TRIML1: variants seen among roughly 807,000 people sequenced by gnomAD.
The protein encoded by TRIML1 is tripartite motif family like 1.
Under a neutral mutation model 32.3 loss-of-function variants are expected in TRIML1, and 34 were observed. The observed-to-expected ratio is 1.05, with a 90% CI of 0.80 to 1.40. The LOEUF (loss-of-function observed/expected upper bound fraction) is 1.40, where lower values mean the gene tolerates loss of function less well. Among genes scored for constraint, TRIML1 ranks in the 40% most tolerant of loss-of-function variants. The pLI, the probability that TRIML1 is intolerant of heterozygous loss-of-function variation, is 0.00. For synonymous variants in TRIML1, 244 were observed against 226.6 expected (o/e 1.08, Z -0.69); for missense variants, 595 against 574.9 (o/e 1.03, Z -0.36).
chr4:188,138,394 C>T (rs184460223), upstream of TRIML1, among the ~76,000 whole-genome samples: 13 of 152,052 alleles, frequency 8.5e-5, no homozygotes, highest in African/African-American at 2.4e-4. Context: ...AGTGAGGGGA[C>T]GGAGACAGAA....
At chr4:188,145,417 G>A (rs1200786679) in intron 5 of TRIML1, among the ~76,000 whole-genome samples, 2 of 135,824 alleles carry the variant, frequency 1.5e-5, no homozygotes, top group African/African-American at 5.8e-5. Flanking sequence ...ATTCCAGCCT[G>A]GGCGACAGAG....
intron 5 of TRIML1, among the ~76,000 whole-genome samples, chr4:188,145,222 G>T (rs1201388624): frequency 6.6e-6 from 1 of 151,746 alleles, no homozygotes; most frequent in East Asian, 2.0e-4. Flanking sequence ...CAGATCACTT[G>T]GGGTCAGGAG....
At chr4:188,143,031 C>T in intron 3 of TRIML1, 1 of 151,512 alleles carries the variant, frequency 6.6e-6, no homozygotes, top group Non-Finnish European at 1.5e-5. Flanking sequence ...GTCTACTGCC[C>T]TTCTAGGCTG....
Position 188,146,966 on chromosome 4 carries a change from A to C in TRIML1, c.1001A>C (p.Gln334Pro), listed in dbSNP as rs1256722394. 27 of 1,555,196 alleles carry C rather than the reference A, an allele frequency of 1.7e-5. No homozygotes were observed. The highest frequency in any genetic ancestry group is 2.3e-5 in the Non-Finnish European group (27 of 1,151,656). Residue 334 changes from glutamine (Q) to proline (P), a missense_variant, in exon 6 of 6, where the codon CAG becomes CCG. Transcript: ENST00000332517. ...FDQSATVLGT[Q>P]IFTSGRHYWE... ...CAGTCTGCGACTGTGCTGGGTACTCAGATCTTCACCAGTGGGAGACACTAC... is the reference window on the plus strand; with the variant it reads ...CAGTCTGCGACTGTGCTGGGTACTCCGATCTTCACCAGTGGGAGACACTAC...
chr4:188,138,618 C>G (rs149721072), upstream of TRIML1, among the ~76,000 whole-genome samples: 1 of 151,780 alleles, frequency 6.6e-6, no homozygotes, highest in African/African-American at 2.4e-5. Flanking sequence ...TTCATATGTC[C>G]GAAAAAATGT....
chr4:188,141,366 A>G (rs1579163592), intron 2 of TRIML1, among the ~76,000 whole-genome samples: 1 of 151,786 alleles, frequency 6.6e-6, no homozygotes, highest in Non-Finnish European at 1.5e-5. Flanking sequence ...GGGTTTTACC[A>G]TGTTAGCCAG....
At position 188,144,279 on chromosome 4, in the gene TRIML1, C is replaced by T; in HGVS notation, c.856+146C>T. On this transcript the variant is annotated intron_variant, in intron 5 of 5. Coordinates refer to ENST00000332517, the MANE Select transcript of TRIML1 (RefSeq NM_178556.5). ...ACGGAACACCAGGGAGGGCTGGGGC[C>T]ACAGACCGTCTCTGAGCGTGAGCAG... The T allele has an allele frequency of 9.0e-6, 6 of 663,904 alleles. No homozygotes were observed. The South Asian group carries it at 1.1e-4, about 12-fold the overall frequency. 41.1% of individuals were successfully genotyped at this position (663,904 alleles called of 1,614,324 possible).
upstream of TRIML1, among the ~76,000 whole-genome samples, chr4:188,138,115 C>T (rs1285449795): frequency 6.6e-6 from 1 of 151,888 alleles, no homozygotes. Context: ...TAGCAATTCA[C>T]GTATGCTTTA....
Position 188,140,536 on chromosome 4 carries a change from C to A in TRIML1, c.417C>A (p.Leu139=). The part of the protein sequence containing the change: ...SEAEEHHREK[L]QEILNLLRVR... The stretch of plus-strand genomic sequence containing the variant: ...GTTTGTTTCTATTGCAGGAGAAACT[C>A]CAGGAAATCCTGAATCTTTTGCGTG... The change falls in exon 2 of 6, where the codon CTC becomes CTA. Residue 139 remains leucine (L), a synonymous_variant. Transcript: ENST00000332517. 6.2e-7 allele frequency: 1 copy of A among 1,613,764 alleles called. No individual in the cohort carries two copies. Among genetic ancestry groups the A allele is most frequent in the Non-Finnish European group, 8.5e-7 (1 of 1,179,786 alleles).
At chr4:188,149,961 C>T (rs548993586), downstream of TRIML1, among the ~76,000 whole-genome samples, 8 of 152,114 alleles carry the variant, frequency 5.3e-5, no homozygotes, top group Admixed American at 5.3e-4. Flanking sequence ...CGCGCACCAC[C>T]ATGCCCAGCT....
chr4:188,147,292 C>T lies in TRIML1; in HGVS notation c.1327C>T (p.Pro443Ser), dbSNP rs1310360130. Residue 443 changes from proline to serine, a missense_variant, in exon 6 of 6, where the codon CCT (proline) becomes TCT (serine). Transcript: ENST00000332517. ...GGCTTCTTTCCAAGAGGCCCTCAGG[C>T]CTATCTTTTCCCCCTGCCTCCCAAA... ...PQASFQEALR[P>S]IFSPCLPNEG... 1 of 1,548,990 alleles carries T rather than the reference C, an allele frequency of 6.5e-7. No homozygotes were observed. The highest frequency in any genetic ancestry group is 2.3e-5 in the East Asian group (1 of 44,222).
chr4:188,149,219 C>A (rs1735189229), downstream of TRIML1, among the ~76,000 whole-genome samples: 1 of 151,934 alleles, frequency 6.6e-6, no homozygotes, highest in South Asian at 2.1e-4. Context: ...GCGCCTGGCC[C>A]AGCCTTTGTT....
chr4:188,150,717 C>A (rs73877575), downstream of TRIML1, among the ~76,000 whole-genome samples: 3,355 of 151,610 alleles, frequency 0.022, 109 homozygotes, highest in African/African-American at 0.076. Flanking sequence ...AAAATCATCC[C>A]CAGTGGCTCT....
chr4:188,149,615 G>A (rs1301269765), downstream of TRIML1, among the ~76,000 whole-genome samples: 8 of 152,230 alleles, frequency 5.3e-5, no homozygotes, highest in South Asian at 1.7e-3. Flanking sequence ...GAGCAAAGAA[G>A]AAACAGGCTC....
At chr4:188,150,234 C>T (rs533341066), downstream of TRIML1, among the ~76,000 whole-genome samples, 1 of 152,114 alleles carries the variant, frequency 6.6e-6, no homozygotes, top group Admixed American at 6.6e-5. Context: ...TCAAGTAATT[C>T]TCCTGCCTCA....
chr4:188,142,659 A>C (rs958115926), intron 3 of TRIML1, among the ~76,000 whole-genome samples, 177 bp downstream of exon 3: 1 of 145,564 alleles, frequency 6.9e-6, no homozygotes, highest in Non-Finnish European at 1.5e-5. Flanking sequence ...AGAGAGAGAG[A>C]GAAAAAAAAA....
chr4:188,140,083 C>CATTGGAATCAATGA, intron 1 of TRIML1, 117 bp downstream of exon 1: 1 of 1,063,114 alleles, frequency 9.4e-7, no homozygotes, highest in Non-Finnish European at 1.3e-6. Flanking sequence ...CTGAGCACCA[C>CATTGGAATCAATGA]ATCACAAACT....
chr4:188,146,193 G>A (rs1036315350), intron 5 of TRIML1, among the ~76,000 whole-genome samples: 2 of 152,094 alleles, frequency 1.3e-5, no homozygotes, highest in South Asian at 2.1e-4. Flanking sequence ...AATATGATGC[G>A]AACAACCAAG....
Position 188,144,489 on chromosome 4 carries a change from A to G in TRIML1, c.856+356A>G, listed in dbSNP as rs1295683373. Reference sequence around the variant, plus strand: ...GCCATTCTCCTGCCTCAGCCTCCCGAGTAGCTGGGACTACAGGCGCCCGCC... The same window carrying G: ...GCCATTCTCCTGCCTCAGCCTCCCGGGTAGCTGGGACTACAGGCGCCCGCC... On this transcript the variant is annotated intron_variant, in intron 5 of 5. Coordinates refer to ENST00000332517, the MANE Select transcript of TRIML1 (RefSeq NM_178556.5). Among the ~76,000 whole-genome samples, 10 of 143,744 alleles carry G rather than the reference A, an allele frequency of 7.0e-5. 1 individual carries two copies. The highest frequency in any genetic ancestry group is 2.6e-4 in the African/African-American group (10 of 38,966). 94.3% of individuals were successfully genotyped at this position (143,744 alleles called of 152,430 possible).
Sources: gnomAD v4.1 joint callset for allele counts (sites outside exome capture counted in the v4.1 genomes callset) on GRCh38, gnomAD v4.1.1 for gene constraint, MANE v1.5 for transcripts, NCBI Gene and HGNC (gene_info 2026-07-23, HGNC 2026-07-21) for gene names.